The following DLG2 variants were observed in gnomAD, a reference collection of about 807,000 sequenced individuals.
The protein encoded by DLG2 is discs large MAGUK scaffold protein 2.
In DLG2, 45 loss-of-function variants were observed where a neutral mutation model predicts 132.5. The observed-to-expected ratio is 0.34, with a 90% CI of 0.27 to 0.44. DLG2 has a LOEUF of 0.44. DLG2 is among the 20% of genes least tolerant of loss of function. DLG2 has a pLI of 1.00. For missense variants in DLG2, 1,045 were observed against 1,196.9 expected, an observed-to-expected ratio of 0.87 and a Z score of 1.87; for synonymous variants, 424 against 419.6, an observed-to-expected ratio of 1.01 and a Z score of -0.13.
rs142306219 is a variant in DLG2, at chr11:83,648,456, C to T, written c.1826-15131G>A. On this transcript the variant is annotated intron_variant, in intron 18 of 27. Transcript: ENST00000376104. ...AATAGAAAGTGCAGGACAAAGGGTA[C>T]TAAGTCATCTTTTGATGGGATAACT... is the stretch of plus-strand genomic sequence containing the variant. 5.9e-5 allele frequency among the ~76,000 whole-genome samples: 9 copies of T among 152,244 alleles called. No homozygotes were observed. In the East Asian group the frequency reaches 1.7e-3, roughly 29 times the overall value.
chr11:84,643,347 T>C (rs1365350235), intron 6 of DLG2, among the ~76,000 whole-genome samples: 2 of 152,226 alleles, frequency 1.3e-5, no homozygotes, highest in Admixed American at 6.5e-5. Context: ...CTTCTTTCCT[T>C]AGAAACAGAG....
intron 5 of DLG2, among the ~76,000 whole-genome samples, chr11:85,135,101 C>T (rs10501587): frequency 0.12 from 18,551 of 152,146 alleles, 1,569 homozygotes; most frequent in Non-Finnish European, 0.19. Flanking sequence ...TGCGTAAAAC[C>T]TTATATCTTT....
At chr11:84,410,939 C>T (rs1409403882) in intron 7 of DLG2, among the ~76,000 whole-genome samples, 1 of 152,120 alleles carries the variant, frequency 6.6e-6, no homozygotes, top group Non-Finnish European at 1.5e-5. Context: ...AATATTGTTA[C>T]TTATTGTCTT....
rs1485421572 is a variant in DLG2 at position 85,008,505 on chromosome 11, T to C, written c.357+103156A>G. 3.9e-5 allele frequency among the ~76,000 whole-genome samples: 6 copies of C among 152,266 alleles called. No homozygotes were observed. The East Asian group carries it at 1.2e-3, about 29-fold the overall frequency. ...AAGGGGGAAAAAGAATATAAATGTGTTTATTATCACTGAACTGTACATTTT... is the reference window on the plus strand; with the variant it reads ...AAGGGGGAAAAAGAATATAAATGTGCTTATTATCACTGAACTGTACATTTT... On this transcript the variant is annotated intron_variant, in intron 6 of 27. Coordinates refer to ENST00000376104, the MANE Select transcript of DLG2 (RefSeq NM_001142699.3).
chr11:85,280,100 C>T (rs1247140008), intron 4 of DLG2, among the ~76,000 whole-genome samples: 3 of 151,994 alleles, frequency 2.0e-5, no homozygotes, highest in African/African-American at 7.2e-5. Flanking sequence ...TTACAAAATT[C>T]CTTTTTCAAA....
intron 6 of DLG2, among the ~76,000 whole-genome samples, chr11:84,933,291 C>A (rs1171196438): frequency 6.6e-6 from 1 of 152,098 alleles, no homozygotes; most frequent in African/African-American, 2.4e-5. Flanking sequence ...ATTTTTAAGT[C>A]AAATAGTGAG....
At chr11:85,070,686 C>T (rs971577802) in intron 6 of DLG2, among the ~76,000 whole-genome samples, 2 of 151,794 alleles carry the variant, frequency 1.3e-5, no homozygotes, top group African/African-American at 4.8e-5. Context: ...ACTGTGCTTC[C>T]TCACTACACT....
intron 19 of DLG2, among the ~76,000 whole-genome samples, chr11:83,627,602 C>T (rs1162741958): frequency 6.6e-6 from 1 of 152,198 alleles, no homozygotes; most frequent in Non-Finnish European, 1.5e-5. Flanking sequence ...TTTTCTTAAT[C>T]CAGTCTATTG....
chr11:83,900,963 T>C (rs191473918), intron 15 of DLG2, among the ~76,000 whole-genome samples: 3 of 152,274 alleles, frequency 2.0e-5, no homozygotes, highest in African/African-American at 4.8e-5. Context: ...CTCAAGACCA[T>C]AGGAACCCAC....
intron 19 of DLG2, among the ~76,000 whole-genome samples, chr11:83,554,066 A>G (rs897525211): frequency 6.6e-6 from 1 of 151,922 alleles, no homozygotes; most frequent in African/African-American, 2.4e-5. Context: ...CATGTTTTGT[A>G]GAGGCTAGGT....
At chr11:84,910,759 A>G (rs1311525290) in intron 6 of DLG2, among the ~76,000 whole-genome samples, 1 of 107,674 alleles carries the variant, frequency 9.3e-6, no homozygotes, top group African/African-American at 3.4e-5. Flanking sequence ...AAAAAGGAAG[A>G]AAAAACAACA....
chr11:84,986,129 C>A (rs2056460364), intron 6 of DLG2, among the ~76,000 whole-genome samples: 1 of 149,304 alleles, frequency 6.7e-6, no homozygotes, highest in African/African-American at 2.5e-5. Context: ...GATATTACAA[C>A]TGACACCACA....
At chr11:84,142,949 G>A (rs539842513) in intron 9 of DLG2, among the ~76,000 whole-genome samples, 7 of 150,170 alleles carry the variant, frequency 4.7e-5, no homozygotes, top group African/African-American at 1.8e-4. Context: ...ATATATATAT[G>A]TCCTACTGAT....
At chr11:85,384,797 C>T (rs1355050981) in intron 3 of DLG2, among the ~76,000 whole-genome samples, 1 of 152,030 alleles carries the variant, frequency 6.6e-6, no homozygotes, top group Non-Finnish European at 1.5e-5. Context: ...CAACCCAACC[C>T]CTGTCCTTGA....
intron 6 of DLG2, among the ~76,000 whole-genome samples, chr11:84,607,671 T>C (rs1007856869): frequency 1.3e-5 from 2 of 152,066 alleles, no homozygotes; most frequent in African/African-American, 2.4e-5. Context: ...AAGACAGACC[T>C]AAGTTCAAAT....
At chr11:83,638,568 C>T (rs2065469250) in intron 18 of DLG2, among the ~76,000 whole-genome samples, 1 of 152,068 alleles carries the variant, frequency 6.6e-6, no homozygotes, top group African/African-American at 2.4e-5. Context: ...AATTGTAACC[C>T]CTTTCTGTAC....
At chr11:85,477,479 C>T (rs990066197) in intron 3 of DLG2, among the ~76,000 whole-genome samples, 5 of 152,178 alleles carry the variant, frequency 3.3e-5, no homozygotes, top group African/African-American at 9.7e-5. Flanking sequence ...TCTACTACTA[C>T]GGAAGATTAC....
chr11:84,161,588 C>G (rs1292785062), intron 9 of DLG2, among the ~76,000 whole-genome samples: 1 of 152,054 alleles, frequency 6.6e-6, no homozygotes, highest in Non-Finnish European at 1.5e-5. Context: ...TTGTCTGACT[C>G]CTATTGAGTG....
intron 18 of DLG2, among the ~76,000 whole-genome samples, chr11:83,705,489 T>A (rs2083758870): frequency 6.6e-6 from 1 of 152,122 alleles, no homozygotes; most frequent in Admixed American, 6.6e-5. Context: ...ATATACTAGA[T>A]ATAATAGGTT....
Sources: gnomAD v4.1 joint callset for allele counts (sites outside exome capture counted in the v4.1 genomes callset) on GRCh38, gnomAD v4.1.1 for gene constraint, MANE v1.5 for transcripts, NCBI Gene and HGNC (gene_info 2026-07-23, HGNC 2026-07-21) for gene names.